SHMT1: variants seen among roughly 807,000 people sequenced by gnomAD.
SHMT1 encodes serine hydroxymethyltransferase 1, also known as serine hydroxymethyltransferase, cytosolic.
A neutral mutation model predicts 49.0 loss-of-function variants in SHMT1; 45 were observed. That is an observed-to-expected ratio of 0.92 (90% CI 0.72 to 1.18). The LOEUF (loss-of-function observed/expected upper bound fraction) is 1.18, where lower values mean the gene tolerates loss of function less well. Among genes scored for constraint, SHMT1 ranks in the 50% most tolerant of loss-of-function variants. The pLI is 0.00. For missense variants in SHMT1, 541 were observed against 612.4 expected (o/e 0.88, Z 1.23); for synonymous variants, 232 against 246.6 (o/e 0.94, Z 0.55).
chr17:18,335,493 AT>A, intron 8 of SHMT1, 65 bp downstream of exon 8: 1 of 1,156,480 alleles, frequency 8.6e-7, no homozygotes, highest in Non-Finnish European at 1.3e-6. Flanking sequence ...CTGGCACACG[AT>A]TTTGGAGGAC....
chr17:18,358,128 G>A (rs1474712765), intron 1 of SHMT1, among the ~76,000 whole-genome samples: 2 of 128,774 alleles, frequency 1.6e-5, no homozygotes, highest in Admixed American at 8.1e-5. Context: ...GAGCCACCGC[G>A]CCCAGCCTGG....
At chr17:18,359,819 G>A (rs531577274) in intron 1 of SHMT1, among the ~76,000 whole-genome samples, 29 of 152,022 alleles carry the variant, frequency 1.9e-4, no homozygotes, top group African/African-American at 6.0e-4. Flanking sequence ...GGTGGCGCCC[G>A]CCTGTAATTC....
rs60700438 is a variant in SHMT1 at position 18,352,150 on chromosome 17, C to CTTTTTTTT, written c.242+1514_242+1521dup. 2.3e-5 allele frequency among the ~76,000 whole-genome samples: 3 copies of CTTTTTTTT among 132,790 alleles called. 1 individual carries two copies. The highest frequency in any genetic ancestry group is 4.7e-5 in the Non-Finnish European group (3 of 63,878). The allele number at this position is 132,790 out of a possible 152,430, so 87.1% of individuals were successfully genotyped here. Reference sequence around the variant, plus strand: ...GTGAGCCACTACACTCAGTCCCCTTCTTTTTTTTTTTTTTTGAGACGGAGG... The same window carrying CTTTTTTTT: ...GTGAGCCACTACACTCAGTCCCCTTCTTTTTTTTTTTTTTTTTTTTTTTGAGACGGAGG... On this transcript the variant is annotated intron_variant, in intron 3 of 11. Coordinates refer to ENST00000316694, the MANE Select transcript of SHMT1 (RefSeq NM_004169.5).
At chr17:18,346,906 C>A (rs1465189105) in intron 5 of SHMT1, among the ~76,000 whole-genome samples, 1 of 152,182 alleles carries the variant, frequency 6.6e-6, no homozygotes, top group Admixed American at 6.5e-5. Context: ...ACGCATGTCA[C>A]TTTTGCACTA....
rs779184135 is a variant in SHMT1, at chr17:18,355,997, C to T, written c.-16G>A. 4 of 1,567,834 alleles carry T rather than the reference C, an allele frequency of 2.6e-6. No homozygotes were observed. The highest frequency in any genetic ancestry group is 3.5e-6 in the Non-Finnish European group (4 of 1,139,388). ...GCATCGTCATTGCACTGGTTCGAAG[C>T]TGCCTAAAAAAATGGGAAAAACATG... On this transcript the variant is annotated 5_prime_UTR_variant, in exon 2 of 12. Transcript: ENST00000316694.
intron 5 of SHMT1, among the ~76,000 whole-genome samples, chr17:18,346,833 T>C (rs568624492): frequency 9.9e-5 from 15 of 152,200 alleles, no homozygotes; most frequent in Non-Finnish European, 1.6e-4. Context: ...TGTAATCTAC[T>C]GAATACTGTA....
rs1982774447 is a variant in SHMT1 at position 18,328,240 on chromosome 17, C to T, written c.*510G>A. 5.7e-6 allele frequency: 1 copy of T among 174,578 alleles called. No homozygotes were observed. Among genetic ancestry groups the T allele is most frequent in the Non-Finnish European group, 1.2e-5 (1 of 80,070 alleles). 10.8% of individuals were successfully genotyped at this position (174,578 alleles called of 1,614,324 possible). A position where few individuals can be genotyped will look rare whatever the true frequency, so the allele number is the denominator to read the frequency against. ...CCATACTGGGTGCATCTTGTTTACT[C>T]TTGACTAACATACACTTCTGATTTA... On this transcript the variant is annotated 3_prime_UTR_variant, in exon 12 of 12. Coordinates refer to ENST00000316694, the MANE Select transcript of SHMT1 (RefSeq NM_004169.5).
intron 7 of SHMT1, 123 bp from the exon 8 acceptor site, chr17:18,335,798 G>T (rs2151571130): frequency 5.1e-6 from 4 of 789,620 alleles, no homozygotes; most frequent in Non-Finnish European, 9.1e-6. Flanking sequence ...CTGGCATGGA[G>T]AACTGATTTG....
In SHMT1 at chr17:18,352,608, C is replaced by T. The variant is rs117731916; in HGVS notation, c.242+1064G>A. Among the ~76,000 whole-genome samples the T allele has an allele frequency of 2.3e-3, 357 of 152,062 alleles. 2 individuals carry two copies. Among genetic ancestry groups the T allele is most frequent in the Non-Finnish European group, 4.2e-3 (288 of 67,998 alleles). ...GGCCAAGGCAGGTGGATTGCTTGAGCTCAGGAGATGGAGATCAGCCTGGGC... is the reference window on the plus strand; with the variant it reads ...GGCCAAGGCAGGTGGATTGCTTGAGTTCAGGAGATGGAGATCAGCCTGGGC... On this transcript the variant is annotated intron_variant, in intron 3 of 11. Coordinates refer to ENST00000316694, the MANE Select transcript of SHMT1 (RefSeq NM_004169.5).
chr17:18,336,276 CAAAAAGAA>C (rs1439836564), intron 7 of SHMT1, among the ~76,000 whole-genome samples: 3 of 147,086 alleles, frequency 2.0e-5, no homozygotes, highest in African/African-American at 5.0e-5. Context: ...CATTCTGTCT[CAAAAAGAA>C]AAAAAGAAAA....
intron 1 of SHMT1, among the ~76,000 whole-genome samples, chr17:18,362,767 G>A (rs965728217): frequency 2.0e-5 from 3 of 152,184 alleles, no homozygotes; most frequent in Admixed American, 6.5e-5. Flanking sequence ...AAGGCACCGG[G>A]CCAAGAACTT....
chr17:18,350,116 C>T (rs1985528703), intron 3 of SHMT1, among the ~76,000 whole-genome samples: 1 of 152,034 alleles, frequency 6.6e-6, no homozygotes, highest in Admixed American at 6.6e-5. Flanking sequence ...ATCACGAGGT[C>T]AGGAGATGGA....
chr17:18,328,951 C>A (rs761350220), intron 11 of SHMT1, 32 bp from the exon 12 acceptor site: 1 of 1,612,916 alleles, frequency 6.2e-7, no homozygotes, highest in East Asian at 2.2e-5. Flanking sequence ...AGTCACCCCA[C>A]ACTACACACC....
chr17:18,341,647 G>GAAAAAAAAA (rs34396945), intron 5 of SHMT1: 1 of 41,896 alleles, frequency 2.4e-5, no homozygotes, highest in Admixed American at 3.1e-4. Context: ...GACTCCATCT[G>GAAAAAAAAA]AAAAAAAAAA....
intron 5 of SHMT1, among the ~76,000 whole-genome samples, chr17:18,347,222 GCAGTTGC>G: frequency 6.6e-6 from 1 of 152,268 alleles, no homozygotes; most frequent in African/African-American, 2.4e-5. Flanking sequence ...GCTATTCCAA[GCAGTTGC>G]CACTGCCCCT....
intron 5 of SHMT1, among the ~76,000 whole-genome samples, chr17:18,346,837 T>C (rs1244626507): frequency 6.6e-6 from 1 of 152,186 alleles, no homozygotes; most frequent in Non-Finnish European, 1.5e-5. Flanking sequence ...ATCTACTGAA[T>C]ACTGTACTGA....
At chr17:18,336,405 C>T (rs1247275439) in intron 7 of SHMT1, among the ~76,000 whole-genome samples, 1 of 152,136 alleles carries the variant, frequency 6.6e-6, no homozygotes, top group African/African-American at 2.4e-5. Context: ...GTGGTTCATG[C>T]GTGTAATCCC....
At chr17:18,343,129 T>C (rs980836410) in intron 5 of SHMT1, among the ~76,000 whole-genome samples, 4 of 152,102 alleles carry the variant, frequency 2.6e-5, no homozygotes, top group African/African-American at 9.7e-5. Flanking sequence ...GTTAGTTAAC[T>C]TGATTCAATA....
intron 11 of SHMT1, 112 bp from the exon 12 acceptor site, chr17:18,329,031 G>A (rs1249178922): frequency 7.3e-7 from 1 of 1,367,130 alleles, no homozygotes; most frequent in African/African-American, 1.4e-5. Flanking sequence ...AGTGTGGCAG[G>A]GCACAAGGTC....
Sources: allele counts gnomAD v4.1 joint callset (sites outside exome capture counted in the v4.1 genomes callset), GRCh38; gene constraint gnomAD v4.1.1; transcripts MANE v1.5; gene names NCBI Gene and HGNC (gene_info 2026-07-23, HGNC 2026-07-21).